The following TCF12 variants were observed in gnomAD, a reference collection of about 807,000 sequenced individuals.
The protein encoded by TCF12 is transcription factor 12.
Under a neutral mutation model 86.0 loss-of-function variants are expected in TCF12, and 45 were observed. That is an observed-to-expected ratio of 0.52 (90% confidence interval 0.41 to 0.67). The LOEUF (loss-of-function observed/expected upper bound fraction) is 0.67. Among genes scored for constraint, TCF12 ranks in the 30% least tolerant of loss-of-function variants. The pLI, the probability that TCF12 is intolerant of heterozygous loss-of-function variation, is 0.00. For missense variants in TCF12, 881 were observed against 859.9 expected (o/e 1.02, Z -0.31); for synonymous variants, 330 against 299.6 (o/e 1.10, Z -1.05).
At chr15:57,182,725 A>T (rs1347289715) in intron 6 of TCF12, among the ~76,000 whole-genome samples, 1 of 152,124 alleles carries the variant, frequency 6.6e-6, no homozygotes, top group East Asian at 1.9e-4. Flanking sequence ...TATAGTGAGG[A>T]AAAAGGTTTA....
intron 3 of TCF12, among the ~76,000 whole-genome samples, chr15:57,000,263 C>G (rs1474015869): frequency 6.6e-6 from 1 of 152,040 alleles, no homozygotes; most frequent in Non-Finnish European, 1.5e-5. Context: ...CAGCCTCCGT[C>G]TCCTGGGCTG....
intron 8 of TCF12, among the ~76,000 whole-genome samples, chr15:57,212,280 TTTG>T (rs148696571): frequency 0.04 from 6,034 of 152,066 alleles, 365 homozygotes; most frequent in Admixed American, 0.17. Flanking sequence ...CTTTTGTTCA[TTTG>T]TTGTTGTTGT....
intron 8 of TCF12, among the ~76,000 whole-genome samples, chr15:57,220,805 T>A (rs2591062): frequency 0.21 from 31,364 of 152,002 alleles, 3,475 homozygotes; most frequent in Non-Finnish European, 0.24. Context: ...TTGGTTTATG[T>A]CAGAAACTCA....
intron 3 of TCF12, among the ~76,000 whole-genome samples, chr15:56,995,160 A>G (rs1487727126): frequency 6.9e-6 from 1 of 145,774 alleles, no homozygotes; most frequent in Non-Finnish European, 1.5e-5. Context: ...ATTAAAAAAT[A>G]TTCAAATATC....
At chr15:56,999,653 C>T (rs2063908783) in intron 3 of TCF12, among the ~76,000 whole-genome samples, 1 of 152,030 alleles carries the variant, frequency 6.6e-6, no homozygotes, top group Non-Finnish European at 1.5e-5. Flanking sequence ...ACGAGGGGAT[C>T]ACTTGAGGTC....
chr15:57,003,357 CAT>C (rs2064160660), intron 3 of TCF12, among the ~76,000 whole-genome samples: 1 of 152,136 alleles, frequency 6.6e-6, no homozygotes, highest in African/African-American at 2.4e-5. Context: ...TGTTTAAAGA[CAT>C]ATATATTGTT....
In TCF12 at chr15:57,250,756, C is replaced by T. The variant is rs1340150015; in HGVS notation, c.1115-594C>T. 2.6e-5 allele frequency among the ~76,000 whole-genome samples: 4 copies of T among 151,044 alleles called. No homozygotes were observed. The East Asian group carries it at 5.8e-4, about 22-fold the overall frequency. On this transcript the variant is annotated intron_variant, in intron 13 of 20. Transcript: ENST00000333725. The stretch of plus-strand genomic sequence containing the variant: ...AAAAAAAAGAAAAAAAATTAGCCAA[C>T]GTGGTGGCACACACTTGTGATCCCA...
chr15:56,940,799 A>C (rs2060731340), intron 3 of TCF12, among the ~76,000 whole-genome samples: 1 of 140,718 alleles, frequency 7.1e-6, no homozygotes, highest in Admixed American at 7.8e-5. Context: ...TCTGTTGCCC[A>C]GGCTGGGGTA....
intron 4 of TCF12, among the ~76,000 whole-genome samples, chr15:57,078,486 C>T (rs920475972): frequency 6.6e-6 from 1 of 152,152 alleles, no homozygotes; most frequent in African/African-American, 2.4e-5. Context: ...CTTCTTGTGA[C>T]TTCTTGTGAC....
chr15:57,095,733 G>A (rs1236973580), intron 5 of TCF12, among the ~76,000 whole-genome samples: 4 of 152,134 alleles, frequency 2.6e-5, no homozygotes, highest in Non-Finnish European at 5.9e-5. Context: ...CTGAGAGTTA[G>A]GAGGTGTGGA....
At chr15:57,184,853 A>G (rs978269426) in intron 6 of TCF12, among the ~76,000 whole-genome samples, 2 of 152,200 alleles carry the variant, frequency 1.3e-5, no homozygotes, top group Non-Finnish European at 2.9e-5. Context: ...ACATAACACC[A>G]TCAGAAAATT....
At chr15:57,082,028 T>C (rs1371696944) in intron 4 of TCF12, among the ~76,000 whole-genome samples, 2 of 152,220 alleles carry the variant, frequency 1.3e-5, no homozygotes, top group Non-Finnish European at 2.9e-5. Context: ...TTAGCACATA[T>C]GTGAGCCAGT....
chr15:57,232,948 T>C (rs1324549269), intron 11 of TCF12, 92 bp downstream of exon 11: 19 of 789,982 alleles, frequency 2.4e-5, no homozygotes, highest in Non-Finnish European at 3.1e-5. Context: ...GTTTTATATA[T>C]ATAAATGTTA....
intron 3 of TCF12, among the ~76,000 whole-genome samples, chr15:56,950,885 T>C (rs1050423115): frequency 3.3e-5 from 5 of 151,296 alleles, no homozygotes; most frequent in Admixed American, 3.3e-4. Flanking sequence ...GCCTCCCGAG[T>C]AGCTGGGATT....
At chr15:56,991,745 A>C (rs192585732) in intron 3 of TCF12, among the ~76,000 whole-genome samples, 173 of 152,306 alleles carry the variant, frequency 1.1e-3, no homozygotes, top group African/African-American at 4.1e-3. Context: ...AATTCCTTCC[A>C]AATACTCTTC....
chr15:57,131,861 T>G (rs1456045597), intron 5 of TCF12, among the ~76,000 whole-genome samples: 1 of 152,174 alleles, frequency 6.6e-6, no homozygotes, highest in Admixed American at 6.5e-5. Context: ...AGAATCTGAG[T>G]CTTCTGATTT....
chr15:56,922,142 G>C (rs1217003618), intron 3 of TCF12, among the ~76,000 whole-genome samples: 2 of 151,874 alleles, frequency 1.3e-5, no homozygotes, highest in African/African-American at 4.8e-5. Context: ...GGAGGGGGGA[G>C]AAAATTTAAT....
Position 57,095,005 on chromosome 15 carries a change from G to A in TCF12, c.325+3114G>A, listed in dbSNP as rs568657860. On this transcript the variant is annotated intron_variant, in intron 5 of 20. Coordinates refer to ENST00000333725, the MANE Select transcript of TCF12 (RefSeq NM_207037.2). ...ATGAACAATTTGCAACAGAAAGTGT[G>A]TTTATATATTCATGTATATATTTTG... Among the ~76,000 whole-genome samples, 32 of 152,280 alleles carry A rather than the reference G, an allele frequency of 2.1e-4. No individual in the cohort carries two copies. The East Asian group carries it at 5.2e-3, about 25-fold the overall frequency.
At position 57,247,588 on chromosome 15, in the gene TCF12, G is replaced by A. The variant is rs577585161; in HGVS notation, c.1115-3762G>A. ...TCTGCCTGTCTTCCATAACTTCTGC[G>A]GTTTCAATCTTGCCATACTTTTCAA... On this transcript the variant is annotated intron_variant, in intron 13 of 20. Coordinates refer to ENST00000333725, the MANE Select transcript of TCF12 (RefSeq NM_207037.2). The A allele has an allele frequency of 5.5e-4, 465 of 845,474 alleles. 2 individuals are homozygous for A. The African/African-American group carries it at 6.6e-3, about 12-fold the overall frequency. The allele number at this position is 845,474 out of a possible 1,614,324, so 52.4% of individuals were successfully genotyped here.
Sources: allele counts gnomAD v4.1 joint callset (sites outside exome capture counted in the v4.1 genomes callset), GRCh38; gene constraint gnomAD v4.1.1; transcripts MANE v1.5; gene names NCBI Gene and HGNC (gene_info 2026-07-23, HGNC 2026-07-21).